The following RASGRP1 variants were observed in gnomAD, a reference collection of about 807,000 sequenced individuals.
The protein encoded by RASGRP1 is RAS guanyl releasing protein 1.
RASGRP1 carries 37 observed loss-of-function variants against 95.1 expected under a neutral mutation model. That is an observed-to-expected ratio of 0.39 (90% confidence interval 0.30 to 0.51). The LOEUF (loss-of-function observed/expected upper bound fraction) is 0.51. RASGRP1 is among the 20% of genes least tolerant of loss of function. The pLI, the probability that RASGRP1 is intolerant of heterozygous loss-of-function variation, is 0.80. For missense variants in RASGRP1, 711 were observed against 965.4 expected (o/e 0.74, Z 3.49); for synonymous variants, 325 against 353.4 (o/e 0.92, Z 0.90).
intron 4 of RASGRP1, 96 bp from the exon 5 acceptor site, chr15:38,518,519 T>A: frequency 7.6e-7 from 1 of 1,324,380 alleles, no homozygotes; most frequent in African/African-American, 1.5e-5. Context: ...CAAAGAGAAC[T>A]CAGAAAAAGA....
intron 6 of RASGRP1, among the ~76,000 whole-genome samples, chr15:38,515,354 G>T (rs1017175327): frequency 6.6e-6 from 1 of 152,176 alleles, no homozygotes; most frequent in Non-Finnish European, 1.5e-5. Context: ...GGTGAAGACT[G>T]TATCTGTTGG....
At position 38,494,781 on chromosome 15, in the gene RASGRP1, C is replaced by G. The variant is rs750976534; in HGVS notation, c.1874-14G>C. ...CTTCCTCAGGTGCTGTAGGAAGATACAGGACATGCTAGTACTCTAGCTCAG... is the reference window on the plus strand; with the variant it reads ...CTTCCTCAGGTGCTGTAGGAAGATAGAGGACATGCTAGTACTCTAGCTCAG... On this transcript the variant is annotated splice_polypyrimidine_tract_variant and intron_variant, in intron 15 of 16. Coordinates refer to ENST00000310803, the MANE Select transcript of RASGRP1 (RefSeq NM_005739.4). 2.0e-6 allele frequency: 3 copies of G among 1,482,448 alleles called. No homozygotes were observed. Among genetic ancestry groups the G allele is most frequent in the South Asian group, 1.5e-5 (1 of 67,914 alleles). The allele number at this position is 1,482,448 out of a possible 1,614,324, so 91.8% of individuals were successfully genotyped here.
intron 1 of RASGRP1, among the ~76,000 whole-genome samples, chr15:38,564,364 G>A (rs1002224709): frequency 3.3e-5 from 5 of 152,088 alleles, no homozygotes; most frequent in Non-Finnish European, 7.4e-5. Flanking sequence ...CTCTGGCCTC[G>A]CGGCCGCCCC....
At chr15:38,552,719 A>G (rs1893386556) in intron 2 of RASGRP1, among the ~76,000 whole-genome samples, 1 of 152,240 alleles carries the variant, frequency 6.6e-6, no homozygotes, top group Non-Finnish European at 1.5e-5. Flanking sequence ...AATTGTAAGC[A>G]TATATAACTT....
At chr15:38,498,701 T>A (rs1890894611) in intron 15 of RASGRP1, 93 bp downstream of exon 15, 1 of 1,479,978 alleles carries the variant, frequency 6.8e-7, no homozygotes, top group Non-Finnish European at 9.1e-7. Flanking sequence ...ACATTTAAAC[T>A]CAAACACAGA....
Position 38,490,793 on chromosome 15 carries a change from T to G in RASGRP1, c.2260-105A>C, listed in dbSNP as rs1890544437. Reference sequence around the variant, plus strand: ...ATTGGCATTTCCTATTCACTGTGGCTGAGAATTAACAACCATTTTCAAGAT... The same window carrying G: ...ATTGGCATTTCCTATTCACTGTGGCGGAGAATTAACAACCATTTTCAAGAT... On this transcript the variant is annotated intron_variant, in intron 16 of 16. Transcript: ENST00000310803. The G allele has an allele frequency of 3.3e-6, 4 of 1,219,388 alleles. No individual in the cohort carries two copies. The Admixed American group carries it at 7.4e-5, about 23-fold the overall frequency. The allele number at this position is 1,219,388 out of a possible 1,614,324, so 75.5% of individuals were successfully genotyped here.
At chr15:38,515,220 C>T (rs1273628437) in intron 6 of RASGRP1, among the ~76,000 whole-genome samples, 1 of 152,210 alleles carries the variant, frequency 6.6e-6, no homozygotes, top group South Asian at 2.1e-4. Flanking sequence ...CCAGCTTTGA[C>T]TGTAATCAGC....
intron 2 of RASGRP1, among the ~76,000 whole-genome samples, chr15:38,532,236 ACGCATAATAAAATGTG>A (rs1404402637): frequency 6.6e-6 from 1 of 152,212 alleles, no homozygotes; most frequent in Non-Finnish European, 1.5e-5. Context: ...AAAATGTGCA[ACGCATAATAAAATGTG>A]CGTATTTTTT....
At chr15:38,536,752 T>C (rs1038223977) in intron 2 of RASGRP1, among the ~76,000 whole-genome samples, 1 of 152,234 alleles carries the variant, frequency 6.6e-6, no homozygotes. Flanking sequence ...TTGTAAAATA[T>C]GCTTTTCACC....
intron 2 of RASGRP1, among the ~76,000 whole-genome samples, chr15:38,559,307 A>G (rs1186543625): frequency 1.3e-5 from 2 of 152,140 alleles, no homozygotes; most frequent in African/African-American, 2.4e-5. Flanking sequence ...TTGACCCTGC[A>G]TTGCAACATT....
chr15:38,495,038 T>G (rs1462870479), intron 15 of RASGRP1, among the ~76,000 whole-genome samples: 1 of 152,128 alleles, frequency 6.6e-6, no homozygotes, highest in Non-Finnish European at 1.5e-5. Context: ...TTTTTGGAGG[T>G]AAGTTGAAGC....
At chr15:38,512,721 G>A (rs1891585172) in intron 7 of RASGRP1, 62 bp downstream of exon 7, 1 of 1,591,088 alleles carries the variant, frequency 6.3e-7, no homozygotes, top group Non-Finnish European at 8.6e-7. Context: ...CTAAGCTGGA[G>A]GAAAAGGGGA....
intron 2 of RASGRP1, among the ~76,000 whole-genome samples, chr15:38,552,589 G>A (rs1232247067): frequency 2.0e-5 from 3 of 152,184 alleles, no homozygotes; most frequent in African/African-American, 7.2e-5. Context: ...ATTATATAGC[G>A]TTTGTACCAG....
In RASGRP1 at chr15:38,516,737, G is replaced by C. The variant is rs575564819; in HGVS notation, c.522-387C>G. ...TTCCTTCATTCTTGTGTGAATGATA[G>C]GGACTCTCTATCTGGTTGGAAATCC... On this transcript the variant is annotated intron_variant, in intron 5 of 16. Coordinates refer to ENST00000310803, the MANE Select transcript of RASGRP1 (RefSeq NM_005739.4). Among the ~76,000 whole-genome samples the C allele has an allele frequency of 1.2e-4, 18 of 151,748 alleles. No individual in the cohort carries two copies. The South Asian group carries it at 3.5e-3, about 30-fold the overall frequency.
chr15:38,505,803 A>G, intron 10 of RASGRP1, 37 bp downstream of exon 10: 4 of 1,482,282 alleles, frequency 2.7e-6, no homozygotes, highest in Non-Finnish European at 2.8e-6. Context: ...CTTGTAAAGC[A>G]CCTGTTACAT....
chr15:38,504,371 G>A (rs1388767276), intron 10 of RASGRP1: 1 of 151,946 alleles, frequency 6.6e-6, no homozygotes, highest in Non-Finnish European at 1.5e-5. Flanking sequence ...ACATTGTATA[G>A]CTTATAGCTG....
intron 2 of RASGRP1, 118 bp from the exon 3 acceptor site, chr15:38,526,522 C>T: frequency 1.5e-6 from 1 of 683,852 alleles, no homozygotes; most frequent in Non-Finnish European, 2.5e-6. Flanking sequence ...GATTTTCTTC[C>T]ACTGCCCCTA....
Position 38,512,969 on chromosome 15 carries a change from AAAC to A in RASGRP1, c.676-16_676-14del, listed in dbSNP as rs1032005991. 64 of 1,495,068 alleles carry A rather than the reference AAAC, an allele frequency of 4.3e-5. No homozygotes were observed. The highest frequency in any genetic ancestry group is 9.7e-5 in the East Asian group (4 of 41,398). 92.6% of individuals were successfully genotyped at this position (1,495,068 alleles called of 1,614,324 possible). The stretch of plus-strand genomic sequence containing the variant: ...GATAATCAGAGAACTGCAGGAAAAG[AAAC>A]AACAACAACAAAAAAAACCTATCAG... On this transcript the variant is annotated splice_polypyrimidine_tract_variant and intron_variant, in intron 6 of 16. Coordinates refer to ENST00000310803, the MANE Select transcript of RASGRP1 (RefSeq NM_005739.4).
intron 2 of RASGRP1, among the ~76,000 whole-genome samples, chr15:38,554,441 G>T (rs1451262806): frequency 6.6e-6 from 1 of 152,140 alleles, no homozygotes; most frequent in Non-Finnish European, 1.5e-5. Flanking sequence ...TTACTGAATT[G>T]AACTGCTCAG....
Sources: gnomAD v4.1 joint callset for allele counts (sites outside exome capture counted in the v4.1 genomes callset) on GRCh38, gnomAD v4.1.1 for gene constraint, MANE v1.5 for transcripts, NCBI Gene and HGNC (gene_info 2026-07-23, HGNC 2026-07-21) for gene names.